The following UNC5B variants were observed in gnomAD, a reference collection of about 807,000 sequenced individuals.
The protein encoded by UNC5B is unc-5 netrin receptor B.
In UNC5B, 56 loss-of-function variants were observed where a neutral mutation model predicts 103.7. That is an observed-to-expected ratio of 0.54 (90% CI 0.44 to 0.67). The LOEUF (loss-of-function observed/expected upper bound fraction) is 0.67. Among genes scored for constraint, UNC5B ranks in the 30% least tolerant of loss-of-function variants. The probability of loss-of-function intolerance (pLI) is 0.00; values close to 1 mark genes in which losing one functional copy is unlikely to be tolerated. For synonymous variants in UNC5B, 577 were observed against 542.0 expected (o/e 1.06, Z -0.90); for missense variants, 1,194 against 1,284.5 (o/e 0.93, Z 1.08).
chr10:71,291,330 T>C, intron 9 of UNC5B, 102 bp from the exon 10 acceptor site: 1 of 1,500,762 alleles, frequency 6.7e-7, no homozygotes, highest in Middle Eastern at 2.0e-4. Context: ...CTGGCAGCAA[T>C]TGGGCCTTTC....
At chr10:71,287,061 C>T (rs1038593032) in intron 5 of UNC5B, among the ~76,000 whole-genome samples, 192 bp downstream of exon 5, 1 of 152,230 alleles carries the variant, frequency 6.6e-6, no homozygotes, top group Non-Finnish European at 1.5e-5. Context: ...GAACACTCCC[C>T]AGTTCTCAAG....
chr10:71,273,684 T>A (rs1430460777), intron 1 of UNC5B, among the ~76,000 whole-genome samples: 1 of 152,204 alleles, frequency 6.6e-6, no homozygotes, highest in Non-Finnish European at 1.5e-5. Flanking sequence ...GCACAGGGCC[T>A]GCTGTCCGAC....
chr10:71,297,886 A>T, intron 15 of UNC5B, 23 bp from the exon 16 acceptor site: 1 of 1,599,568 alleles, frequency 6.3e-7, no homozygotes, highest in Non-Finnish European at 8.5e-7. Context: ...TGCCCCTCTC[A>T]CTCTTGGCCC....
rs58235566 is a variant in UNC5B at position 71,213,728 on chromosome 10, AGT to A, written c.79+697_79+698del. 0.034 allele frequency among the ~76,000 whole-genome samples: 4,527 copies of A among 131,274 alleles called. 69 individuals are homozygous for A. Among genetic ancestry groups the A allele is most frequent in the South Asian group, 0.063 (246 of 3,924 alleles). 86.1% of individuals were successfully genotyped at this position (131,274 alleles called of 152,430 possible). A position where few individuals can be genotyped will look rare whatever the true frequency, so the allele number is the denominator to read the frequency against. ...ATTATTAATTTTCTGAGTGTTGGAG[AGT>A]GTGTGTGTGTGTGTGTGTGTGTGTG... On this transcript the variant is annotated intron_variant, in intron 1 of 16. Transcript: ENST00000335350. This position sits in a 1 kb window ranked among gnomAD's most constrained non-coding sequence, Gnocchi z 4.1.
At chr10:71,279,792 C>T in intron 1 of UNC5B, 29 bp from the exon 2 acceptor site, 1 of 1,601,830 alleles carries the variant, frequency 6.2e-7, no homozygotes, top group African/African-American at 1.3e-5. Flanking sequence ...CAGCACACAG[C>T]CTCATGGAGG....
chr10:71,296,541 G>T (rs1845417762), intron 14 of UNC5B, 37 bp from the exon 15 acceptor site: 2 of 1,608,650 alleles, frequency 1.2e-6, no homozygotes, highest in East Asian at 4.5e-5. Flanking sequence ...GGGCAGGCTG[G>T]CCTTGCCTGC....
At position 71,288,959 on chromosome 10, in the gene UNC5B, T is replaced by A. The variant is rs775174403; in HGVS notation, c.1068T>A (p.Asn356Lys). ...CTTTCCCTTTATTTCCCTTGACAGA[T>A]AAGAAAACTCTAAGCGACCCCAACA... ...KNCTDGLCMQNKKTLSDPNSH... is the reference protein window; with the variant it reads ...KNCTDGLCMQKKKTLSDPNSH... The change falls in exon 8 of 17, where the codon AAT becomes AAA. Residue 356 changes from asparagine to lysine, a missense_variant and splice_region_variant. By Grantham distance (94) the Asn-to-Lys change is moderately conservative. Coordinates refer to ENST00000335350, the MANE Select transcript of UNC5B (RefSeq NM_170744.5). The A allele has an allele frequency of 6.2e-7, 1 of 1,612,832 alleles. No homozygotes were observed. The highest frequency in any genetic ancestry group is 2.2e-5 in the East Asian group (1 of 44,784).
rs147981461 is a variant in UNC5B, at chr10:71,266,478, C to T, written c.80-13343C>T. Among the ~76,000 whole-genome samples, 505 of 152,256 alleles carry T rather than the reference C, an allele frequency of 3.3e-3. 3 individuals are homozygous for T. The highest frequency in any genetic ancestry group is 0.011 in the African/African-American group (444 of 41,552). ...CGAGCCCTGAGCCAAGGCGGCCCAG[C>T]GATTACATCAGCAGGTGCAAACAAG... is the stretch of plus-strand genomic sequence containing the variant. On this transcript the variant is annotated intron_variant, in intron 1 of 16. Coordinates refer to ENST00000335350, the MANE Select transcript of UNC5B (RefSeq NM_170744.5).
intron 1 of UNC5B, among the ~76,000 whole-genome samples, chr10:71,267,065 G>A (rs898553245): frequency 2.6e-5 from 4 of 152,114 alleles, no homozygotes; most frequent in African/African-American, 9.7e-5. Context: ...GCATCCACGG[G>A]GGGTCTTGGA....
At position 71,279,806 on chromosome 10, in the gene UNC5B, C is replaced by G; in HGVS notation, c.80-15C>G. ...CCAGCACACAGCCTCATGGAGGTCT[C>G]CACTCACTCTGCAGGCACTGATTCT... On this transcript the variant is annotated splice_polypyrimidine_tract_variant and intron_variant, in intron 1 of 16. Coordinates refer to ENST00000335350, the MANE Select transcript of UNC5B (RefSeq NM_170744.5). 6.2e-7 allele frequency: 1 copy of G among 1,609,786 alleles called. No homozygotes were observed. The highest frequency in any genetic ancestry group is 8.5e-7 in the Non-Finnish European group (1 of 1,178,458).
intron 1 of UNC5B, among the ~76,000 whole-genome samples, chr10:71,232,692 G>A (rs373192967): frequency 2.6e-5 from 4 of 152,248 alleles, no homozygotes; most frequent in African/African-American, 7.2e-5. Flanking sequence ...ATTAGTTGCC[G>A]CCTGCCTAGC....
At chr10:71,219,189 C>T (rs1843400924) in intron 1 of UNC5B, among the ~76,000 whole-genome samples, 1 of 151,922 alleles carries the variant, frequency 6.6e-6, no homozygotes, top group African/African-American at 2.4e-5. Context: ...AAGAACTCAC[C>T]GAGAAGGTGG....
At chr10:71,284,372 C>T (rs1286907160) in intron 2 of UNC5B, among the ~76,000 whole-genome samples, 1 of 152,184 alleles carries the variant, frequency 6.6e-6, no homozygotes, top group Non-Finnish European at 1.5e-5. Flanking sequence ...CACAGTGCAG[C>T]TCAGAGCCAC....
chr10:71,262,442 A>G (rs938676384), intron 1 of UNC5B, among the ~76,000 whole-genome samples: 1 of 152,006 alleles, frequency 6.6e-6, no homozygotes, highest in African/African-American at 2.4e-5. Flanking sequence ...TCTTGCTTTC[A>G]GAGTCATCGT....
At chr10:71,268,076 C>G (rs1844560628) in intron 1 of UNC5B, among the ~76,000 whole-genome samples, 1 of 152,244 alleles carries the variant, frequency 6.6e-6, no homozygotes, top group Non-Finnish European at 1.5e-5. Flanking sequence ...CCAGAGATGG[C>G]TGCCTTCCTC....
chr10:71,271,649 C>T (rs1400333021), intron 1 of UNC5B, among the ~76,000 whole-genome samples: 3 of 152,194 alleles, frequency 2.0e-5, no homozygotes, highest in Admixed American at 6.5e-5. Context: ...TAGCCAGGCC[C>T]GGGCTCATCC....
intron 1 of UNC5B, among the ~76,000 whole-genome samples, chr10:71,265,796 G>A (rs1185852361): frequency 6.6e-6 from 1 of 152,140 alleles, no homozygotes; most frequent in Non-Finnish European, 1.5e-5. Flanking sequence ...CCCAGCCTCT[G>A]GGAACCCCAG....
At chr10:71,260,665 C>T (rs906883767) in intron 1 of UNC5B, among the ~76,000 whole-genome samples, 2 of 152,206 alleles carry the variant, frequency 1.3e-5, no homozygotes, top group Admixed American at 6.5e-5. Context: ...GGCAGCAGGC[C>T]GTCCTCATTA....
intron 1 of UNC5B, among the ~76,000 whole-genome samples, chr10:71,221,406 T>C (rs1199066524): frequency 6.6e-6 from 1 of 152,118 alleles, no homozygotes; most frequent in Non-Finnish European, 1.5e-5. Flanking sequence ...CTGGCCCCCG[T>C]GTCATGCATA....
Sources: gnomAD v4.1 joint callset for allele counts (sites outside exome capture counted in the v4.1 genomes callset) on GRCh38, gnomAD v4.1.1 for gene constraint, Gnocchi (gnomAD v3.1) non-coding constraint, MANE v1.5 for transcripts, NCBI Gene and HGNC (gene_info 2026-07-23, HGNC 2026-07-21) for gene names.